Variants in CSMD1 observed in about 807,000 individuals in gnomAD.
CSMD1 encodes CUB and sushi domain-containing protein 1.
In CSMD1, 213 loss-of-function variants were observed where a neutral mutation model predicts 417.5. That is an observed-to-expected ratio of 0.51 (90% CI 0.46 to 0.57). CSMD1 has a LOEUF of 0.57. Ranked by LOEUF, CSMD1 falls within the 20% of genes least tolerant of loss-of-function variation. CSMD1 has a pLI of 0.00. For synonymous variants in CSMD1, 2,862 were observed against 1,736.8 expected, an observed-to-expected ratio of 1.65 and a Z score of -16.11; for missense variants, 6,923 against 4,529.7, an observed-to-expected ratio of 1.53 and a Z score of -15.17.
At chr8:4,348,893 A>G (rs1037775526) in intron 3 of CSMD1, among the ~76,000 whole-genome samples, 5 of 152,196 alleles carry the variant, frequency 3.3e-5, no homozygotes, top group African/African-American at 1.2e-4. Flanking sequence ...TGATTGAGTC[A>G]TAAGCCTTTC....
intron 24 of CSMD1, 118 bp from the exon 25 acceptor site, chr8:3,307,939 ACCATCATCTC>A: frequency 9.0e-7 from 1 of 1,116,756 alleles, no homozygotes; most frequent in Non-Finnish European, 1.3e-6. Context: ...AAAAAGAATC[ACCATCATCTC>A]TCTCTCCTGA....
chr8:3,321,305 G>A (rs1031824551), intron 23 of CSMD1, among the ~76,000 whole-genome samples: 1 of 152,128 alleles, frequency 6.6e-6, no homozygotes, highest in African/African-American at 2.4e-5. Flanking sequence ...GCCATCTGGT[G>A]ATGCCCTCTG....
Position 4,331,125 on chromosome 8 carries a change from G to A in CSMD1, c.415+88828C>T, listed in dbSNP as rs370246177. Among the ~76,000 whole-genome samples, 6 of 152,090 alleles carry A rather than the reference G, an allele frequency of 3.9e-5. No individual in the cohort carries two copies. The South Asian group carries it at 6.2e-4, about 16-fold the overall frequency. On this transcript the variant is annotated intron_variant, in intron 3 of 69. Transcript: ENST00000635120. Reference sequence around the variant, plus strand: ...ATAGCAAAATGAAAATATATTTCCCGAAACTAAACTACCGAACTATCCTCC... The same window carrying A: ...ATAGCAAAATGAAAATATATTTCCCAAAACTAAACTACCGAACTATCCTCC...
chr8:3,065,316 T>A, intron 49 of CSMD1, among the ~76,000 whole-genome samples: 1 of 149,352 alleles, frequency 6.7e-6, no homozygotes, highest in East Asian at 1.9e-4. Context: ...GATAGATAGA[T>A]AGACAGACAG....
chr8:3,407,179 T>G (rs1812398023), intron 14 of CSMD1, among the ~76,000 whole-genome samples: 1 of 129,242 alleles, frequency 7.7e-6, no homozygotes, highest in Non-Finnish European at 1.7e-5. Context: ...GGATGGATAA[T>G]GGAAGGATAT....
chr8:3,602,767 G>C (rs975578416), intron 8 of CSMD1, among the ~76,000 whole-genome samples: 8 of 150,976 alleles, frequency 5.3e-5, no homozygotes, highest in Non-Finnish European at 1.2e-4. Flanking sequence ...TGTTACAGAA[G>C]GTCATTTTGA....
intron 3 of CSMD1, among the ~76,000 whole-genome samples, chr8:4,371,708 TTGTA>T (rs1474937051): frequency 1.3e-5 from 2 of 152,210 alleles, no homozygotes; most frequent in East Asian, 1.9e-4. Flanking sequence ...AATCATTACT[TTGTA>T]TGTATGTATG....
intron 3 of CSMD1, among the ~76,000 whole-genome samples, chr8:4,298,362 A>G (rs1290687616): frequency 6.6e-6 from 1 of 152,110 alleles, no homozygotes; most frequent in Non-Finnish European, 1.5e-5. Context: ...GTTTACTGTA[A>G]TAGTTTTTAT....
chr8:4,442,427 A>G (rs971558108), intron 2 of CSMD1, among the ~76,000 whole-genome samples: 39 of 152,204 alleles, frequency 2.6e-4, no homozygotes, highest in Non-Finnish European at 3.7e-4. Flanking sequence ...ATATGAACAT[A>G]TAAAGCCCAG....
At chr8:3,315,311 A>T (rs912512883) in intron 23 of CSMD1, among the ~76,000 whole-genome samples, 2 of 152,150 alleles carry the variant, frequency 1.3e-5, no homozygotes, top group African/African-American at 2.4e-5. Flanking sequence ...TTTATAGTTC[A>T]CTTGAGAAGG....
At chr8:3,146,600 G>A (rs536999703) in intron 40 of CSMD1, among the ~76,000 whole-genome samples, 1 of 152,298 alleles carries the variant, frequency 6.6e-6, no homozygotes, top group South Asian at 2.1e-4. Flanking sequence ...AGCAACCACA[G>A]CTTATGCTGC....
At chr8:3,876,310 G>A (rs990552620) in intron 5 of CSMD1, among the ~76,000 whole-genome samples, 2 of 152,128 alleles carry the variant, frequency 1.3e-5, no homozygotes, top group Non-Finnish European at 2.9e-5. Flanking sequence ...ATGGGAAAAG[G>A]TGATGCACAT....
At chr8:3,319,224 T>C (rs900484806) in intron 23 of CSMD1, among the ~76,000 whole-genome samples, 1 of 152,200 alleles carries the variant, frequency 6.6e-6, no homozygotes, top group Non-Finnish European at 1.5e-5. Context: ...CTCCAAAAAC[T>C]ACTAATTGCT....
intron 3 of CSMD1, among the ~76,000 whole-genome samples, chr8:4,325,334 G>A (rs1442438103): frequency 6.6e-6 from 1 of 152,080 alleles, no homozygotes; most frequent in African/African-American, 2.4e-5. Flanking sequence ...GTTGGAGGTG[G>A]AGGGTTCTCT....
At chr8:4,037,945 T>A (rs549010476) in intron 3 of CSMD1, among the ~76,000 whole-genome samples, 4 of 152,294 alleles carry the variant, frequency 2.6e-5, no homozygotes, top group Non-Finnish European at 5.9e-5. Flanking sequence ...CAAAATTCAG[T>A]TGGACAAAAT....
At position 3,446,201 on chromosome 8, in the gene CSMD1, G is replaced by T. The variant is rs577093388; in HGVS notation, c.1561+22511C>A. On this transcript the variant is annotated intron_variant, in intron 12 of 69. Coordinates refer to ENST00000635120, the MANE Select transcript of CSMD1 (RefSeq NM_033225.6). Reference sequence around the variant, plus strand: ...AAAGAGGATGAGGGAGAAAAAAATCGTGAATGCACTTTCTGAAGCACTCCT... The same window carrying T: ...AAAGAGGATGAGGGAGAAAAAAATCTTGAATGCACTTTCTGAAGCACTCCT... Among the ~76,000 whole-genome samples, 6 of 152,286 alleles carry T rather than the reference G, an allele frequency of 3.9e-5. No homozygotes were observed. In the East Asian group the frequency reaches 1.2e-3, roughly 29 times the overall value.
chr8:3,664,132 T>G (rs376746533), intron 7 of CSMD1, among the ~76,000 whole-genome samples: 3 of 152,194 alleles, frequency 2.0e-5, no homozygotes, highest in Non-Finnish European at 4.4e-5. Context: ...GCTGCACCCA[T>G]TGACTCGTCA....
intron 20 of CSMD1, among the ~76,000 whole-genome samples, chr8:3,363,896 T>G (rs1308078618): frequency 6.6e-6 from 1 of 152,146 alleles, no homozygotes; most frequent in East Asian, 1.9e-4. Context: ...GAATGGGGAT[T>G]GTGCAGGTTT....
At chr8:3,253,557 G>C (rs1800428882) in intron 26 of CSMD1, among the ~76,000 whole-genome samples, 1 of 152,204 alleles carries the variant, frequency 6.6e-6, no homozygotes, top group Non-Finnish European at 1.5e-5. Flanking sequence ...ACTTGGAGCA[G>C]TGCTGAGTTC....
Sources: allele counts gnomAD v4.1 joint callset (sites outside exome capture counted in the v4.1 genomes callset), GRCh38; gene constraint gnomAD v4.1.1; transcripts MANE v1.5; gene names NCBI Gene and HGNC (gene_info 2026-07-23, HGNC 2026-07-21).